Variants in TNRC18 observed in about 807,000 individuals in gnomAD.
TNRC18 encodes the protein trinucleotide repeat-containing gene 18 protein.
TNRC18 carries 69 observed loss-of-function variants against 226.7 expected under a neutral mutation model. The observed-to-expected ratio is 0.30, with a 90% confidence interval of 0.25 to 0.37. The LOEUF (loss-of-function observed/expected upper bound fraction) is 0.37, where lower values mean the gene tolerates loss of function less well. Among genes scored for constraint, TNRC18 ranks in the 10% least tolerant of loss-of-function variants. TNRC18 has a pLI of 1.00. For synonymous variants in TNRC18, 2,449 were observed against 1,927.6 expected (o/e 1.27, Z -7.09); for missense variants, 4,754 against 4,256.6 (o/e 1.12, Z -3.25).
rs1282486702 is a variant in TNRC18, at chr7:5,326,792, G to C, written c.6148-1544C>G. ...ACCACACTCCAGCCTGGGCAAAAAA[G>C]AGCAAAACTCCGTCTCAAAAATAAA... On this transcript the variant is annotated intron_variant, in intron 19 of 29. Coordinates refer to ENST00000430969, the MANE Select transcript of TNRC18 (RefSeq NM_001080495.3). Among the ~76,000 whole-genome samples the C allele has an allele frequency of 2.5e-4, 36 of 146,280 alleles. No homozygotes were observed. The Admixed American group carries it at 2.5e-3, about 10-fold the overall frequency.
At chr7:5,387,118 A>G (rs1779848872) in intron 5 of TNRC18, among the ~76,000 whole-genome samples, 1 of 152,204 alleles carries the variant, frequency 6.6e-6, no homozygotes, top group Non-Finnish European at 1.5e-5. Context: ...AATCCAAAAT[A>G]TAACAGATAC....
rs938160203 is a variant in TNRC18, at chr7:5,387,892, T to C, written c.1932A>G (p.Ala644=). ...QARLPHSGGP[A]AGGGRQLKRD... ...GCTTCAGCTGCCGGCCGCCGCCCGC[T>C]GCAGGGCCTCCGGAGTGTGGGAGAC... The change falls in exon 5 of 30, where the codon GCA becomes GCG. Residue 644 remains alanine (A), a synonymous_variant. Coordinates refer to ENST00000430969, the MANE Select transcript of TNRC18 (RefSeq NM_001080495.3). 9 of 1,591,846 alleles carry C rather than the reference T, an allele frequency of 5.7e-6. No homozygotes were observed. The highest frequency in any genetic ancestry group is 2.3e-5 in the East Asian group (1 of 43,874).
chr7:5,352,059 C>T lies in TNRC18; in HGVS notation c.5230G>A (p.Asp1744Asn). The T allele has an allele frequency of 1.2e-6, 2 of 1,611,246 alleles. No individual in the cohort carries two copies. Among genetic ancestry groups the T allele is most frequent in the Non-Finnish European group, 1.7e-6 (2 of 1,178,524 alleles). The part of the protein sequence containing the change: ...DSEEDEEFLK[D>N]EWPAQGPSSS... Reference sequence around the variant, plus strand: ...GAGGGGCCTTGGGCGGGCCACTCGTCCTTCAGGAATTCTTCGTCTTCCTCT... The same window carrying T: ...GAGGGGCCTTGGGCGGGCCACTCGTTCTTCAGGAATTCTTCGTCTTCCTCT... Residue 1744 changes from aspartate (D) to asparagine (N), a missense_variant, in exon 17 of 30, where the codon GAC becomes AAC. Physicochemically the swap from Asp to Asn is conservative, Grantham distance 23 (BLOSUM62 1). Transcript: ENST00000430969.
In TNRC18 at chr7:5,312,479, G is replaced by A. The variant is rs748412292; in HGVS notation, c.8388+24C>T. On this transcript the variant is annotated intron_variant, in intron 27 of 29. Transcript: ENST00000430969. The surrounding 1 kb of genome is among the most constrained non-coding windows in gnomAD (Gnocchi z 6.3). ...ACACAAGGCCCCCGGCCCCTCGGCC[G>A]TGCCCGGGCGCGAGCTTGCTCACCT... 89 of 1,606,878 alleles carry A rather than the reference G, an allele frequency of 5.5e-5. 1 individual carries two copies. The highest frequency in any genetic ancestry group is 3.0e-4 in the Admixed American group (18 of 59,474).
chr7:5,356,472 C>A (rs969844136), intron 16 of TNRC18, among the ~76,000 whole-genome samples: 1 of 152,272 alleles, frequency 6.6e-6, no homozygotes, highest in East Asian at 1.9e-4. Context: ...CCGCAACAGA[C>A]GGCATGCTTC....
chr7:5,409,812 TAAAAAA>T (rs35153914), intron 2 of TNRC18, among the ~76,000 whole-genome samples: 1 of 104,736 alleles, frequency 9.5e-6, no homozygotes. Context: ...CCGTCTCTAC[TAAAAAA>T]AAAAAAAAAA....
At chr7:5,400,101 C>T (rs914430432) in intron 2 of TNRC18, among the ~76,000 whole-genome samples, 7 of 151,930 alleles carry the variant, frequency 4.6e-5, no homozygotes, top group African/African-American at 1.7e-4. Context: ...CACTATGTTG[C>T]GAAGTCTGGG....
At chr7:5,375,236 G>C (rs1387272218) in intron 9 of TNRC18, among the ~76,000 whole-genome samples, 3 of 152,146 alleles carry the variant, frequency 2.0e-5, no homozygotes. Flanking sequence ...TTGAACCCAG[G>C]AGGCGGAGGT....
rs562916096 is a variant in TNRC18 at position 5,364,624 on chromosome 7, T to TA, written c.4220-1800dup. Among the ~76,000 whole-genome samples, 237 of 151,614 alleles carry TA rather than the reference T, an allele frequency of 1.6e-3. 2 individuals are homozygous for TA. Among genetic ancestry groups the TA allele is most frequent in the South Asian group, 4.6e-3 (22 of 4,806 alleles). On this transcript the variant is annotated intron_variant, in intron 11 of 29. Coordinates refer to ENST00000430969, the MANE Select transcript of TNRC18 (RefSeq NM_001080495.3). ...TCTGAAACCAGCCTAGCCAACATGG[T>TA]AAAACCCCCTCTCTACTAAAAATAC... is the stretch of plus-strand genomic sequence containing the variant.
chr7:5,313,001 G>GGAT lies in TNRC18; in HGVS notation c.7887_7889dup (p.Ser2671dup), dbSNP rs1211850706. 6.5e-6 allele frequency: 6 copies of GGAT among 929,366 alleles called. No individual in the cohort carries two copies. The highest frequency in any genetic ancestry group is 3.1e-5 in the South Asian group (2 of 65,204). 57.6% of individuals were successfully genotyped at this position (929,366 alleles called of 1,614,324 possible). ...AGGAAGAGGAGGAGGAGGAAGAGGAGGATGAGGAGGAGGAGGAGGAGGAGG... is the reference window on the plus strand; with the variant it reads ...AGGAAGAGGAGGAGGAGGAAGAGGAGGATGATGAGGAGGAGGAGGAGGAGGAGG... On this transcript the variant is annotated inframe_insertion, in exon 27 of 30. Coordinates refer to ENST00000430969, the MANE Select transcript of TNRC18 (RefSeq NM_001080495.3).
At chr7:5,401,799 C>T (rs1459216360) in intron 2 of TNRC18, among the ~76,000 whole-genome samples, 6 of 152,168 alleles carry the variant, frequency 3.9e-5, no homozygotes, top group African/African-American at 9.7e-5. Flanking sequence ...GTAGTATTTA[C>T]GGTAGGAACT....
At chr7:5,402,149 A>G (rs1195713412) in intron 2 of TNRC18, among the ~76,000 whole-genome samples, 1 of 143,358 alleles carries the variant, frequency 7.0e-6, no homozygotes, top group Non-Finnish European at 1.5e-5. Context: ...ACTGTACTCC[A>G]GCCTGGGCAA....
Position 5,313,475 on chromosome 7 carries a change from G to C in TNRC18, c.7416C>G (p.Pro2472=). ...VKLDHEGVTS[P]KSKKAKEALL... is the part of the protein sequence containing the mutation. ...GGGCCTCTTTAGCCTTCTTGCTTTTGGGTGACGTGACACCCTCGTGGTCCA... is the reference window on the plus strand; with the variant it reads ...GGGCCTCTTTAGCCTTCTTGCTTTTCGGTGACGTGACACCCTCGTGGTCCA... The change falls in exon 27 of 30, where the codon CCC becomes CCG. Residue 2472 remains proline, a synonymous_variant. Coordinates refer to ENST00000430969, the MANE Select transcript of TNRC18 (RefSeq NM_001080495.3). 6.2e-7 allele frequency: 1 copy of C among 1,613,220 alleles called. No homozygotes were observed. The highest frequency in any genetic ancestry group is 8.5e-7 in the Non-Finnish European group (1 of 1,179,530).
At chr7:5,375,786 T>C (rs1274722459) in intron 9 of TNRC18, among the ~76,000 whole-genome samples, 2 of 152,134 alleles carry the variant, frequency 1.3e-5, no homozygotes, top group East Asian at 3.9e-4. Context: ...TCCTCCTCGC[T>C]CCTGCACCCT....
intron 5 of TNRC18, among the ~76,000 whole-genome samples, chr7:5,380,640 G>A (rs1376502120): frequency 6.6e-6 from 1 of 152,172 alleles, no homozygotes; most frequent in Non-Finnish European, 1.5e-5. Flanking sequence ...CAACATCAAC[G>A]TAGCTCCTGT....
rs761995780 is a variant in TNRC18 at position 5,388,225 on chromosome 7, G to C, written c.1599C>G (p.Ser533Arg). Reference sequence around the variant, plus strand: ...CCACGGCGGCCTCCTCTTCGGCGCGGCTGTGGTGGTGCTGCGCGGCCAGCA... The same window carrying C: ...CCACGGCGGCCTCCTCTTCGGCGCGCCTGTGGTGGTGCTGCGCGGCCAGCA... Reference protein sequence around the residue: ...MAVLAAQHHHSRAEEEAAVVA... With the variant: ...MAVLAAQHHHRRAEEEAAVVA... The change falls in exon 5 of 30, where the codon AGC becomes AGG. Residue 533 changes from serine (S) to arginine (R), a missense_variant. Coordinates refer to ENST00000430969, the MANE Select transcript of TNRC18 (RefSeq NM_001080495.3). 6.2e-7 allele frequency: 1 copy of C among 1,603,556 alleles called. No homozygotes were observed. The highest frequency in any genetic ancestry group is 1.7e-5 in the Admixed American group (1 of 58,948).
intron 18 of TNRC18, among the ~76,000 whole-genome samples, chr7:5,333,518 A>G: frequency 6.6e-6 from 1 of 151,674 alleles, no homozygotes; most frequent in South Asian, 2.1e-4. Flanking sequence ...GTCCACTCCC[A>G]CTGCCCTCTC....
chr7:5,328,608 G>A (rs1583789872), intron 19 of TNRC18, among the ~76,000 whole-genome samples: 1 of 151,468 alleles, frequency 6.6e-6, no homozygotes, highest in South Asian at 2.1e-4. Flanking sequence ...TCCTGGGTTC[G>A]AGCGATTCTT....
intron 12 of TNRC18, among the ~76,000 whole-genome samples, chr7:5,362,297 G>A (rs1407152966): frequency 1.3e-5 from 2 of 152,180 alleles, no homozygotes; most frequent in East Asian, 3.8e-4. Context: ...CCATCAGTGA[G>A]GGCCACTGTG....
Sources: gnomAD v4.1 joint callset for allele counts (sites outside exome capture counted in the v4.1 genomes callset) on GRCh38, gnomAD v4.1.1 for gene constraint, Gnocchi (gnomAD v3.1) non-coding constraint, MANE v1.5 for transcripts, NCBI Gene and HGNC (gene_info 2026-07-23, HGNC 2026-07-21) for gene names.